The following DPF3 variants were observed in gnomAD, a reference collection of about 807,000 sequenced individuals.
DPF3 encodes double PHD fingers 3, also known as zinc finger protein DPF3.
DPF3 carries 18 observed loss-of-function variants against 56.8 expected under a neutral mutation model. The observed-to-expected ratio is 0.32, with a 90% CI of 0.22 to 0.47. DPF3 has a LOEUF of 0.47. DPF3 is among the 20% of genes least tolerant of loss of function. The pLI is 1.00. For missense variants in DPF3, 403 were observed against 488.8 expected, an observed-to-expected ratio of 0.82 and a Z score of 1.65; for synonymous variants, 188 against 180.2, an observed-to-expected ratio of 1.04 and a Z score of -0.35.
intron 1 of DPF3, chr14:72,773,672 A>G (rs535460452): frequency 1.1e-4 from 42 of 375,182 alleles, no homozygotes; most frequent in Non-Finnish European, 1.9e-4. Context: ...TTCTATCTCT[A>G]TGATTCTGAC....
At chr14:72,891,195 G>C (rs772222475) in intron 1 of DPF3, among the ~76,000 whole-genome samples, 9 of 152,144 alleles carry the variant, frequency 5.9e-5, no homozygotes, top group Admixed American at 4.6e-4. Context: ...CCCTGCATAG[G>C]TGCTGCTGGA....
rs1483046486 is a variant in DPF3 at position 72,611,232 on chromosome 14, T to C, written c.*8065A>G. Among the ~76,000 whole-genome samples the C allele has an allele frequency of 6.6e-6, 1 of 152,208 alleles. No individual in the cohort carries two copies. The highest frequency in any genetic ancestry group is 1.5e-5 in the Non-Finnish European group (1 of 68,042). On this transcript the variant is annotated 3_prime_UTR_variant, in exon 11 of 11. Coordinates refer to ENST00000556509, the MANE Select transcript of DPF3 (RefSeq NM_001280542.3). ...AGGTTGGTGTGGCTTCTTCAGGGAA[T>C]AACTCAAAGCTGAAATCTGGCTGTG... is the stretch of plus-strand genomic sequence containing the variant.
chr14:72,821,226 G>A (rs141653588), intron 1 of DPF3, among the ~76,000 whole-genome samples: 59 of 152,120 alleles, frequency 3.9e-4, no homozygotes, highest in Non-Finnish European at 7.6e-4. Context: ...AGAGTCTGCA[G>A]TGAGCTGAGG....
At chr14:72,677,527 T>C (rs1886965635) in intron 7 of DPF3, among the ~76,000 whole-genome samples, 2 of 152,178 alleles carry the variant, frequency 1.3e-5, no homozygotes, top group African/African-American at 4.8e-5. Flanking sequence ...CCTCTCCCCG[T>C]TTCACATTAT....
At chr14:72,641,089 T>C (rs916966404) in intron 8 of DPF3, among the ~76,000 whole-genome samples, 1 of 152,130 alleles carries the variant, frequency 6.6e-6, no homozygotes, top group Non-Finnish European at 1.5e-5. Context: ...GGCACCACCA[T>C]CAAGTGACAG....
intron 1 of DPF3, among the ~76,000 whole-genome samples, chr14:72,807,881 C>A (rs1882858136): frequency 6.6e-6 from 1 of 152,170 alleles, no homozygotes; most frequent in South Asian, 2.1e-4. Flanking sequence ...AGGAAGATCA[C>A]TTGAGCCCTG....
intron 5 of DPF3, among the ~76,000 whole-genome samples, chr14:72,717,049 C>A (rs984297290): frequency 6.6e-6 from 1 of 152,180 alleles, no homozygotes; most frequent in South Asian, 2.1e-4. Flanking sequence ...CACGCATTCA[C>A]ACGTTCATTC....
intron 1 of DPF3, among the ~76,000 whole-genome samples, chr14:72,826,810 A>C (rs1238739834): frequency 6.6e-6 from 1 of 152,158 alleles, no homozygotes; most frequent in Non-Finnish European, 1.5e-5. Flanking sequence ...TGGGAGGCAG[A>C]CGTGGGTGGA....
chr14:72,777,370 G>A (rs750783663), intron 1 of DPF3, among the ~76,000 whole-genome samples: 26 of 152,184 alleles, frequency 1.7e-4, no homozygotes, highest in African/African-American at 2.7e-4. Context: ...GGCAAGGTGC[G>A]GGAAAGTTTT....
chr14:72,686,176 G>A (rs1046311476), intron 7 of DPF3, among the ~76,000 whole-genome samples: 3 of 152,228 alleles, frequency 2.0e-5, no homozygotes, highest in Non-Finnish European at 2.9e-5. Flanking sequence ...GGCTCTGATA[G>A]TTACTGCTGA....
rs77383757 is a variant in DPF3, at chr14:72,778,614, C to T, written c.33-6721G>A. Among the ~76,000 whole-genome samples, 1,503 of 152,278 alleles carry T rather than the reference C, an allele frequency of 9.9e-3. 30 individuals carry two copies. Among genetic ancestry groups the T allele is most frequent in the African/African-American group, 0.034 (1,418 of 41,540 alleles). ...AAACCATCCCCTCCCCGACCCCAGT[C>T]GGTGGAAAAATGATCTTCCATGAAA... On this transcript the variant is annotated intron_variant, in intron 1 of 10. Coordinates refer to ENST00000556509, the MANE Select transcript of DPF3 (RefSeq NM_001280542.3).
At chr14:72,798,652 A>G (rs1892735388) in intron 1 of DPF3, among the ~76,000 whole-genome samples, 1 of 152,204 alleles carries the variant, frequency 6.6e-6, no homozygotes, top group Non-Finnish European at 1.5e-5. Flanking sequence ...GCTGCTAAGG[A>G]TGCAGCCAGA....
intron 1 of DPF3, among the ~76,000 whole-genome samples, chr14:72,795,624 T>C (rs1892618389): frequency 6.6e-6 from 1 of 152,178 alleles, no homozygotes; most frequent in Non-Finnish European, 1.5e-5. Context: ...CAGTTTGACG[T>C]GAAGTACTTG....
intron 1 of DPF3, among the ~76,000 whole-genome samples, chr14:72,887,805 G>C (rs888883769): frequency 2.6e-5 from 4 of 152,102 alleles, no homozygotes; most frequent in Non-Finnish European, 5.9e-5. Context: ...AGTCACTAAG[G>C]CTACAAAAAA....
intron 1 of DPF3, among the ~76,000 whole-genome samples, chr14:72,854,108 G>C (rs557492786): frequency 6.6e-6 from 1 of 152,338 alleles, no homozygotes; most frequent in Admixed American, 6.5e-5. Context: ...TGTAATCCCA[G>C]CACTTTGGGA....
At chr14:72,793,875 C>T (rs1327488927) in intron 1 of DPF3, among the ~76,000 whole-genome samples, 1 of 152,248 alleles carries the variant, frequency 6.6e-6, no homozygotes, top group Non-Finnish European at 1.5e-5. Context: ...GCCTTGCTGG[C>T]CAGCTGGGTT....
intron 1 of DPF3, among the ~76,000 whole-genome samples, chr14:72,818,862 T>C (rs928956203): frequency 7.9e-5 from 12 of 152,202 alleles, no homozygotes; most frequent in African/African-American, 2.4e-4. Context: ...AAGCCACAGA[T>C]TGGGAGAAAT....
chr14:72,756,545 G>T (rs571602329), intron 2 of DPF3, among the ~76,000 whole-genome samples: 97 of 152,240 alleles, frequency 6.4e-4, no homozygotes, highest in Admixed American at 9.8e-4. Context: ...GGGTACAGTG[G>T]CTGACGTCTG....
chr14:72,767,760 C>CAAAAAA (rs372452441), intron 2 of DPF3, among the ~76,000 whole-genome samples: 1 of 72,498 alleles, frequency 1.4e-5, no homozygotes, highest in Non-Finnish European at 2.6e-5. Context: ...CCAAATTTGG[C>CAAAAAA]AAAAAAAAAA....
Sources: allele counts gnomAD v4.1 joint callset (sites outside exome capture counted in the v4.1 genomes callset), GRCh38; gene constraint gnomAD v4.1.1; transcripts MANE v1.5; gene names NCBI Gene and HGNC (gene_info 2026-07-23, HGNC 2026-07-21).